Variants in PCK1 observed in about 807,000 individuals in gnomAD.
PCK1 encodes phosphoenolpyruvate carboxykinase, cytosolic [GTP].
In PCK1, 44 loss-of-function variants were observed where a neutral mutation model predicts 50.3. That is an observed-to-expected ratio of 0.87 (90% confidence interval 0.69 to 1.12). The LOEUF (loss-of-function observed/expected upper bound fraction) is 1.12, where lower values mean the gene tolerates loss of function less well. Among genes scored for constraint, PCK1 ranks in the 50% most tolerant of loss-of-function variants. The pLI is 0.00. For synonymous variants in PCK1, 332 were observed against 314.3 expected (o/e 1.06, Z -0.59); for missense variants, 790 against 815.0 (o/e 0.97, Z 0.37).
Position 57,561,499 on chromosome 20 carries a change from T to C in PCK1, c.88T>C (p.Phe30Leu). ...LDSLPQAVRE[F>L]LENNAELCQP... is the part of the protein sequence containing the mutation. ...CAGCCTACCCCAGGCAGTGAGGGAG[T>C]TTCTCGAGAATAACGCTGAGCTGTG... The change falls in exon 2 of 10, where the codon TTT becomes CTT. Residue 30 changes from phenylalanine to leucine, a missense_variant. Coordinates refer to ENST00000319441, the MANE Select transcript of PCK1 (RefSeq NM_002591.4). The C allele has an allele frequency of 1.9e-6, 3 of 1,613,346 alleles. No individual in the cohort carries two copies. The highest frequency in any genetic ancestry group is 2.5e-6 in the Non-Finnish European group (3 of 1,179,786).
At chr20:57,561,694 C>G (rs1568907706) in intron 2 of PCK1, 59 bp downstream of exon 2, 3 of 1,195,618 alleles carry the variant, frequency 2.5e-6, no homozygotes, top group Non-Finnish European at 3.7e-6. Flanking sequence ...CCCTGCGTCT[C>G]CTGGGAGTTG....
Position 57,563,649 on chromosome 20 carries a change from A to G in PCK1, c.883A>G (p.Met295Val), listed in dbSNP as rs2070174657. Reference sequence around the variant, plus strand: ...CGCCTGCGGGAAGACCAACCTGGCCATGATGAACCCCAGCCTCCCCGGGTG... The same window carrying G: ...CGCCTGCGGGAAGACCAACCTGGCCGTGATGAACCCCAGCCTCCCCGGGTG... Reference protein sequence around the residue: ...PSACGKTNLAMMNPSLPGWKV... With the variant: ...PSACGKTNLAVMNPSLPGWKV... The change falls in exon 6 of 10, where the codon ATG becomes GTG. Residue 295 changes from methionine (M) to valine (V), a missense_variant. Coordinates refer to ENST00000319441, the MANE Select transcript of PCK1 (RefSeq NM_002591.4). 6.2e-7 allele frequency: 1 copy of G among 1,613,700 alleles called. No homozygotes were observed. Among genetic ancestry groups the G allele is most frequent in the Admixed American group, 1.7e-5 (1 of 59,982 alleles).
intron 4 of PCK1, 63 bp downstream of exon 4, chr20:57,562,962 T>C (rs2070163185): frequency 1.1e-5 from 18 of 1,576,586 alleles, no homozygotes; most frequent in Non-Finnish European, 5.2e-6. Flanking sequence ...CAAACCCCAG[T>C]GAGTGCCTCG....
At chr20:57,562,967 G>T (rs1355919713) in intron 4 of PCK1, 61 bp from the exon 5 acceptor site, 5 of 1,576,646 alleles carry the variant, frequency 3.2e-6, no homozygotes, top group Non-Finnish European at 4.4e-6. Context: ...CCCAGTGAGT[G>T]CCTCGGGGAC....
At chr20:57,563,315 G>A (rs181556711) in intron 5 of PCK1, 100 bp downstream of exon 5, 15 of 1,151,014 alleles carry the variant, frequency 1.3e-5, no homozygotes, top group Middle Eastern at 2.7e-4. Context: ...CTCTCTGAGC[G>A]TGCAGGTTCC....
chr20:57,564,212 C>T lies in PCK1; in HGVS notation c.1005C>T (p.Val335=), dbSNP rs760646378. 13 of 1,612,884 alleles carry T rather than the reference C, an allele frequency of 8.1e-6. No individual in the cohort carries two copies. Among genetic ancestry groups the T allele is most frequent in the Middle Eastern group, 1.6e-4 (1 of 6,072 alleles). Residue 335 remains valine, a synonymous_variant, in exon 7 of 10, where the codon GTC becomes GTT. Transcript: ENST00000319441. ...ACCCAGAAAATGGCTTTTTCGGTGTCGCTCCTGGGACTTCAGTGAAGACCA... is the reference window on the plus strand; with the variant it reads ...ACCCAGAAAATGGCTTTTTCGGTGTTGCTCCTGGGACTTCAGTGAAGACCA... ...AINPENGFFG[V]APGTSVKTNP... is the part of the protein sequence containing the mutation.
chr20:57,564,740 C>A, intron 8 of PCK1, 127 bp downstream of exon 8: 1 of 847,172 alleles, frequency 1.2e-6, no homozygotes, highest in Non-Finnish European at 1.8e-6. Context: ...GAGCTTCCTT[C>A]CCAAAGATCC....
In PCK1 at chr20:57,561,129, C is replaced by A. The variant is rs184849246; in HGVS notation, c.-115C>A. 4 of 295,752 alleles carry A rather than the reference C, an allele frequency of 1.4e-5. No individual in the cohort carries two copies. In the Admixed American group the frequency reaches 1.9e-4, roughly 14 times the overall value. 18.3% of individuals were successfully genotyped at this position (295,752 alleles called of 1,614,324 possible). ...CCAAGCACGGCCTTCCCACTGGGAA[C>A]ACAAACTTGCTGGCGGGAAGAGCCC... On this transcript the variant is annotated 5_prime_UTR_variant, in exon 1 of 10. Coordinates refer to ENST00000319441, the MANE Select transcript of PCK1 (RefSeq NM_002591.4).
chr20:57,563,691 G>A lies in PCK1; in HGVS notation c.925G>A (p.Gly309Arg), dbSNP rs201186470. Residue 309 changes from glycine (G) to arginine (R), a missense_variant, in exon 6 of 10, where the codon GGG becomes AGG. By Grantham distance (125) the Gly-to-Arg change is moderately radical. Coordinates refer to ENST00000319441, the MANE Select transcript of PCK1 (RefSeq NM_002591.4). ...SLPGWKVECV[G>R]DDIAWMKFDA... The stretch of plus-strand genomic sequence containing the variant: ...CCCCGGGTGGAAGGTTGAGTGCGTC[G>A]GGGATGACATTGCCTGGATGAAGTT... 5.9e-4 allele frequency: 952 copies of A among 1,613,358 alleles called. 3 individuals carry two copies. The highest frequency in any genetic ancestry group is 1.7e-4 in the Non-Finnish European group (197 of 1,179,620).
At chr20:57,561,703 T>G in intron 2 of PCK1, 68 bp downstream of exon 2, 1 of 1,108,986 alleles carries the variant, frequency 9.0e-7, no homozygotes, top group Non-Finnish European at 1.4e-6. Flanking sequence ...TCCTGGGAGT[T>G]GGTGGAGAAA....
Position 57,563,010 on chromosome 20 carries a change from A to T in PCK1, c.611-18A>T. The stretch of plus-strand genomic sequence containing the variant: ...CAGGGCCCTGGCGCACTGACTTGGG[A>T]GGGGTCCTTGTTCACAGAGCCTTTG... On this transcript the variant is annotated intron_variant, in intron 4 of 9. Coordinates refer to ENST00000319441, the MANE Select transcript of PCK1 (RefSeq NM_002591.4). The T allele has an allele frequency of 1.2e-6, 2 of 1,608,490 alleles. No individual in the cohort carries two copies. The highest frequency in any genetic ancestry group is 1.7e-6 in the Non-Finnish European group (2 of 1,175,826).
Position 57,563,101 on chromosome 20 carries a change from C to A in PCK1, c.684C>A (p.Ile228=), listed in dbSNP as rs771750002. The A allele has an allele frequency of 2.6e-5, 42 of 1,614,000 alleles. No individual in the cohort carries two copies. The highest frequency in any genetic ancestry group is 3.2e-5 in the Non-Finnish European group (38 of 1,179,994). Residue 228 remains isoleucine, a synonymous_variant, in exon 5 of 10, where the codon ATC becomes ATA. Coordinates refer to ENST00000319441, the MANE Select transcript of PCK1 (RefSeq NM_002591.4). The stretch of plus-strand genomic sequence containing the variant: ...CCCACCTGCCTGACCGCAGAGAGAT[C>A]ATCTCCTTTGGCAGTGGGTACGGCG... ...LIAHLPDRRE[I]ISFGSGYGGN...
In PCK1 at chr20:57,561,371, G is replaced by C; in HGVS notation, c.-40-1G>C. 1.5e-6 allele frequency: 2 copies of C among 1,316,956 alleles called. No homozygotes were observed. The highest frequency in any genetic ancestry group is 2.2e-6 in the Non-Finnish European group (2 of 923,530). 81.6% of individuals were successfully genotyped at this position (1,316,956 alleles called of 1,614,324 possible). On this transcript the variant is annotated splice_acceptor_variant, in intron 1 of 9. Coordinates refer to ENST00000319441, the MANE Select transcript of PCK1 (RefSeq NM_002591.4). LOFTEE classifies it low-confidence loss of function (5UTR_SPLICE). ...CAGGACGCTTGCGTTTTCTATTTCAGGTGACCTCACATTCGTGCCCCTTAG... is the reference window on the plus strand; with the variant it reads ...CAGGACGCTTGCGTTTTCTATTTCACGTGACCTCACATTCGTGCCCCTTAG...
Position 57,561,992 on chromosome 20 carries a change from G to A in PCK1, c.225-79G>A, listed in dbSNP as rs1325285895. 4.3e-5 allele frequency: 51 copies of A among 1,175,778 alleles called. No homozygotes were observed. The Middle Eastern group carries it at 8.1e-4, about 19-fold the overall frequency. 72.8% of individuals were successfully genotyped at this position (1,175,778 alleles called of 1,614,324 possible). A position where few individuals can be genotyped will look rare whatever the true frequency, so the allele number is the denominator to read the frequency against. On this transcript the variant is annotated intron_variant, in intron 2 of 9. Coordinates refer to ENST00000319441, the MANE Select transcript of PCK1 (RefSeq NM_002591.4). The stretch of plus-strand genomic sequence containing the variant: ...GTTAGCGTGCTCAGCACTCTGCTAG[G>A]CATGGAAAGCCACGGTACTGAAGGA...
In PCK1 at chr20:57,564,411, G is replaced by A. The variant is rs1276880030; in HGVS notation, c.1186+18G>A. 1 of 1,613,744 alleles carries A rather than the reference G, an allele frequency of 6.2e-7. No individual in the cohort carries two copies. Among genetic ancestry groups the A allele is most frequent in the African/African-American group, 1.3e-5 (1 of 74,908 alleles). On this transcript the variant is annotated intron_variant, in intron 7 of 9. Transcript: ENST00000319441. ...AGAGGATGGTGTGTCCCTGCCAGAG[G>A]CCTTGGTGTGCCGGGCTGCAGGGAC...
At chr20:57,563,497 C>G in intron 5 of PCK1, 68 bp from the exon 6 acceptor site, 1 of 1,133,796 alleles carries the variant, frequency 8.8e-7, no homozygotes, top group Non-Finnish European at 1.3e-6. Context: ...ATTCCAACCT[C>G]TGGGCTGAAG....
Position 57,563,679 on chromosome 20 carries a change from G to A in PCK1, c.913G>A (p.Val305Ile), listed in dbSNP as rs752486702. ...GAACCCCAGCCTCCCCGGGTGGAAG[G>A]TTGAGTGCGTCGGGGATGACATTGC... ...MMNPSLPGWK[V>I]ECVGDDIAWM... The change falls in exon 6 of 10, where the codon GTT (valine) becomes ATT (isoleucine). Residue 305 changes from valine (V) to isoleucine (I), a missense_variant. Val to Ile is a conservative substitution (Grantham distance 29, BLOSUM62 3). Coordinates refer to ENST00000319441, the MANE Select transcript of PCK1 (RefSeq NM_002591.4). 1 of 1,613,784 alleles carries A rather than the reference G, an allele frequency of 6.2e-7. No homozygotes were observed. The highest frequency in any genetic ancestry group is 8.5e-7 in the Non-Finnish European group (1 of 1,179,880).
chr20:57,565,317 C>T, intron 9 of PCK1, 33 bp from the exon 10 acceptor site: 2 of 1,560,976 alleles, frequency 1.3e-6, no homozygotes, highest in Non-Finnish European at 1.8e-6. Context: ...AGGAGAGCCT[C>T]ATTTACTAAT....
chr20:57,562,989 G>T (rs752191557), intron 4 of PCK1, 39 bp from the exon 5 acceptor site: 1 of 1,592,788 alleles, frequency 6.3e-7, no homozygotes, highest in Non-Finnish European at 8.6e-7. Context: ...CCCAAGCAGG[G>T]CCCTGGCGCA....
Sources: gnomAD v4.1 joint callset for allele counts on GRCh38, gnomAD v4.1.1 for gene constraint, MANE v1.5 for transcripts, NCBI Gene and HGNC (gene_info 2026-07-23, HGNC 2026-07-21) for gene names.